Variants in ZFP42 observed in about 807,000 individuals in gnomAD.
The protein encoded by ZFP42 is zinc finger protein 42 homolog.
For missense variants in ZFP42, 438 were observed against 377.1 expected, an observed-to-expected ratio of 1.16 and a Z score of -1.34; for synonymous variants, 175 against 144.6, an observed-to-expected ratio of 1.21 and a Z score of -1.51.
At chr4:187,995,901 C>T (rs1733543809) in intron 1 of ZFP42, 61 bp downstream of exon 1, 2 of 152,294 alleles carry the variant, frequency 1.3e-5, no homozygotes, top group Middle Eastern at 3.2e-3. Flanking sequence ...TTGCTCACTA[C>T]TTGGAATGTG....
rs1313602473 is a variant in ZFP42, at chr4:188,002,959, A to T, written c.152A>T (p.Asp51Val). The change falls in exon 4 of 4, where the codon GAT becomes GTT. Residue 51 changes from aspartate (D) to valine (V), a missense_variant. By Grantham distance (152) the Asp-to-Val change is radical (BLOSUM62 -3). Coordinates refer to ENST00000326866, the MANE Select transcript of ZFP42 (RefSeq NM_174900.5). The part of the protein sequence containing the change: ...EPVSAVWALC[D>V]GYVCYEPGPQ... The stretch of plus-strand genomic sequence containing the variant: ...GTCAGCGCGGTGTGGGCCTTATGTG[A>T]TGGCTATGTGTGCTATGAGCCTGGC... 6.2e-7 allele frequency: 1 copy of T among 1,614,052 alleles called. No individual in the cohort carries two copies. The highest frequency in any genetic ancestry group is 8.5e-7 in the Non-Finnish European group (1 of 1,180,006).
chr4:187,997,441 A>G (rs912484343), intron 1 of ZFP42, among the ~76,000 whole-genome samples: 2 of 150,688 alleles, frequency 1.3e-5, no homozygotes, highest in African/African-American at 4.9e-5. Flanking sequence ...GTTGGCCAGG[A>G]TGGTCTCGAT....
At chr4:188,001,561 T>C (rs546966786) in intron 3 of ZFP42, among the ~76,000 whole-genome samples, 6 of 152,348 alleles carry the variant, frequency 3.9e-5, no homozygotes, top group Admixed American at 1.3e-4. Flanking sequence ...CCAGTCTCCC[T>C]GTTTTACTGG....
chr4:187,999,477 G>A (rs1191336084), intron 2 of ZFP42, 132 bp from the exon 3 acceptor site: 2 of 152,118 alleles, frequency 1.3e-5, no homozygotes, highest in Non-Finnish European at 2.9e-5. Flanking sequence ...TTAATAGCCA[G>A]CTTTTTTGAA....
intron 1 of ZFP42, among the ~76,000 whole-genome samples, chr4:187,996,150 T>C (rs1458038330): frequency 6.9e-6 from 1 of 144,044 alleles, no homozygotes; most frequent in East Asian, 2.4e-4. Context: ...CATGTAAATA[T>C]GTTTCCTTAC....
Position 188,004,295 on chromosome 4 carries a change from T to A in ZFP42, c.*555T>A, listed in dbSNP as rs6553124. ...GTGAGATCCTGTCTCTACAAAAAAATTTGTTTTTATTTGTATTTATATATT... is the reference window on the plus strand; with the variant it reads ...GTGAGATCCTGTCTCTACAAAAAAAATTGTTTTTATTTGTATTTATATATT... On this transcript the variant is annotated 3_prime_UTR_variant, in exon 4 of 4. Coordinates refer to ENST00000326866, the MANE Select transcript of ZFP42 (RefSeq NM_174900.5). 0.48 allele frequency: 76,397 copies of A among 158,514 alleles called. 19,337 individuals carry two copies. Among genetic ancestry groups the A allele is most frequent in the East Asian group, 0.79 (4,089 of 5,148 alleles). The allele number at this position is 158,514 out of a possible 1,614,324, so 9.8% of individuals were successfully genotyped here.
chr4:187,996,170 C>G (rs1733552732), intron 1 of ZFP42, among the ~76,000 whole-genome samples: 1 of 120,148 alleles, frequency 8.3e-6, no homozygotes. Flanking sequence ...CAATATCTGG[C>G]TAAGTCTTTT....
intron 1 of ZFP42, among the ~76,000 whole-genome samples, chr4:187,998,064 C>T (rs1446035943): frequency 2.0e-5 from 3 of 152,186 alleles, no homozygotes; most frequent in Non-Finnish European, 4.4e-5. Context: ...AGTCTGGGCG[C>T]GGTGGCTCAC....
chr4:188,003,296 A>G lies in ZFP42; in HGVS notation c.489A>G (p.Ser163=), dbSNP rs61731386. Residue 163 remains serine, a synonymous_variant, in exon 4 of 4, where the codon TCA becomes TCG. Transcript: ENST00000326866. ...GAGGAATACCTGGCATTGACCTATC[A>G]GATCCTAAACAGCTCGCAGAATTTG... ...PPGGIPGIDL[S]DPKQLAEFAR... 6.1e-3 allele frequency: 9,829 copies of G among 1,614,096 alleles called. 473 individuals are homozygous for G. In the African/African-American group the frequency reaches 0.11, roughly 18 times the overall value.
Position 188,002,730 on chromosome 4 carries a change from C to A in ZFP42, c.-78C>A. The A allele has an allele frequency of 1.6e-6, 2 of 1,234,026 alleles. No homozygotes were observed. Among genetic ancestry groups the A allele is most frequent in the Non-Finnish European group, 2.3e-6 (2 of 866,844 alleles). 76.4% of individuals were successfully genotyped at this position (1,234,026 alleles called of 1,614,324 possible). A position where few individuals can be genotyped will look rare whatever the true frequency, so the allele number is the denominator to read the frequency against. On this transcript the variant is annotated 5_prime_UTR_variant, in exon 4 of 4. Coordinates refer to ENST00000326866, the MANE Select transcript of ZFP42 (RefSeq NM_174900.5). ...TAAAGCAGGTGTTTGCTGAAGACAG[C>A]TTACTCAGATCACTACTGCCTGGAG...
intron 1 of ZFP42, 30 bp downstream of exon 1, chr4:187,995,870 A>G (rs376928527): frequency 4.6e-5 from 7 of 152,160 alleles, no homozygotes; most frequent in African/African-American, 7.2e-5. Context: ...ACTTTTTTCA[A>G]ATGGGGAGAA....
Position 188,003,947 on chromosome 4 carries a change from A to T in ZFP42, c.*207A>T, listed in dbSNP as rs1452011083. 4 of 512,984 alleles carry T rather than the reference A, an allele frequency of 7.8e-6. No homozygotes were observed. Among genetic ancestry groups the T allele is most frequent in the Non-Finnish European group, 1.4e-5 (4 of 289,574 alleles). The allele number at this position is 512,984 out of a possible 1,614,324, so 31.8% of individuals were successfully genotyped here. A position where few individuals can be genotyped will look rare whatever the true frequency, so the allele number is the denominator to read the frequency against. On this transcript the variant is annotated 3_prime_UTR_variant, in exon 4 of 4. Coordinates refer to ENST00000326866, the MANE Select transcript of ZFP42 (RefSeq NM_174900.5). ...TTTTCTTTTATTTGTTTTATTTAGA[A>T]CTTTTTTTATTTGTTTTATTTAGAA...
intron 3 of ZFP42, among the ~76,000 whole-genome samples, chr4:188,000,421 GC>G (rs1183189847): frequency 6.6e-6 from 1 of 150,988 alleles, no homozygotes; most frequent in Non-Finnish European, 1.5e-5. Flanking sequence ...CGAGAAAGTC[GC>G]TCTGTTGTCC....
At chr4:188,002,142 A>C (rs1003808389) in intron 3 of ZFP42, among the ~76,000 whole-genome samples, 4 of 152,130 alleles carry the variant, frequency 2.6e-5, no homozygotes, top group African/African-American at 9.7e-5. Flanking sequence ...GCACCACTGC[A>C]CTCCAGCCTG....
chr4:187,999,077 G>A (rs1430588044), intron 1 of ZFP42, 31 bp from the exon 2 acceptor site: 2 of 152,074 alleles, frequency 1.3e-5, no homozygotes, highest in African/African-American at 4.8e-5. Flanking sequence ...CCTCTCTTAG[G>A]AGATGCCTTT....
chr4:187,996,800 C>G (rs1012017336), intron 1 of ZFP42, among the ~76,000 whole-genome samples: 4 of 152,160 alleles, frequency 2.6e-5, no homozygotes, highest in Admixed American at 6.6e-5. Context: ...CTGTTCTCCC[C>G]AAATCCATTC....
intron 1 of ZFP42, among the ~76,000 whole-genome samples, chr4:187,997,030 GGAGCGTGGAGCA>G (rs1733613216): frequency 5.3e-5 from 3 of 56,718 alleles, no homozygotes; most frequent in South Asian, 8.7e-4. Context: ...CATGGAGCAT[GGAGCGTGGAGCA>G]TGGAGCATGG....
rs761962630 is a variant in ZFP42 at position 188,003,371 on chromosome 4, C to T, written c.564C>T (p.Ile188=). 8.7e-6 allele frequency: 14 copies of T among 1,613,976 alleles called. No individual in the cohort carries two copies. The East Asian group carries it at 1.1e-4, about 13-fold the overall frequency. The change falls in exon 4 of 4, where the codon ATC becomes ATT. Residue 188 remains isoleucine (I), a synonymous_variant. Coordinates refer to ENST00000326866, the MANE Select transcript of ZFP42 (RefSeq NM_174900.5). ...INKEYDSLSA[I]ACPQSGCTRK... ...AAGAATATGACAGTCTGAGCGCAAT[C>T]GCTTGTCCTCAGAGTGGATGCACTA... is the stretch of plus-strand genomic sequence containing the variant.
At chr4:187,998,828 CAT>C (rs1423875570) in intron 1 of ZFP42, among the ~76,000 whole-genome samples, 2 of 152,194 alleles carry the variant, frequency 1.3e-5, no homozygotes, top group African/African-American at 4.8e-5. Flanking sequence ...TTTCTCAGAA[CAT>C]ATTCCTGTCT....
Sources: allele counts gnomAD v4.1 joint callset (sites outside exome capture counted in the v4.1 genomes callset), GRCh38; gene constraint gnomAD v4.1.1; transcripts MANE v1.5; gene names NCBI Gene and HGNC (gene_info 2026-07-23, HGNC 2026-07-21).